Variants in RPH3A observed in about 807,000 individuals in gnomAD.
RPH3A encodes the protein rabphilin-3A.
RPH3A carries 48 observed loss-of-function variants against 102.2 expected under a neutral mutation model. The ratio of observed to expected loss-of-function variants is 0.47; its 90% CI spans 0.37 to 0.60. The LOEUF is 0.60. Ranked by LOEUF, RPH3A falls within the 20% of genes least tolerant of loss-of-function variation. The pLI, the probability that RPH3A is intolerant of heterozygous loss-of-function variation, is 0.00. For missense variants in RPH3A, 781 were observed against 910.1 expected (o/e 0.86, Z 1.83); for synonymous variants, 310 against 324.3 (o/e 0.96, Z 0.47).
intron 1 of RPH3A, among the ~76,000 whole-genome samples, chr12:112,779,617 C>T (rs961913457): frequency 6.6e-6 from 1 of 152,106 alleles, no homozygotes; most frequent in Non-Finnish European, 1.5e-5. Context: ...TGAGGTAGGG[C>T]TGATTATGAT....
At chr12:112,660,439 C>T (rs2040041520) in intron 1 of RPH3A, among the ~76,000 whole-genome samples, 1 of 152,202 alleles carries the variant, frequency 6.6e-6, no homozygotes. Context: ...ATTCCCTTCT[C>T]ATCCTACTCC....
intron 10 of RPH3A, chr12:112,874,750 A>T (rs967653489): frequency 3.8e-6 from 1 of 261,068 alleles, no homozygotes; most frequent in African/African-American, 2.2e-5. Context: ...CTTCCCCACA[A>T]CTCTATCAGC....
At chr12:112,686,464 G>A (rs796564402) in intron 1 of RPH3A, among the ~76,000 whole-genome samples, 2 of 152,146 alleles carry the variant, frequency 1.3e-5, no homozygotes, top group South Asian at 4.1e-4. Flanking sequence ...AGATGCATGC[G>A]GGGGCTTGAA....
intron 1 of RPH3A, among the ~76,000 whole-genome samples, chr12:112,593,013 C>T (rs938634012): frequency 3.9e-5 from 6 of 152,130 alleles, no homozygotes; most frequent in African/African-American, 1.4e-4. Context: ...ATTATGTCTC[C>T]CTAACTTTAT....
intron 1 of RPH3A, among the ~76,000 whole-genome samples, chr12:112,645,647 C>T (rs2039923854): frequency 6.6e-6 from 1 of 152,200 alleles, no homozygotes; most frequent in Non-Finnish European, 1.5e-5. Context: ...CCATCTGGAG[C>T]TTGAATTTCC....
intron 1 of RPH3A, among the ~76,000 whole-genome samples, chr12:112,620,304 TG>T (rs2039713202): frequency 1.3e-5 from 2 of 152,144 alleles, no homozygotes; most frequent in African/African-American, 4.8e-5. Context: ...CAAGTAGGGA[TG>T]GGGTAGATAT....
intron 1 of RPH3A, among the ~76,000 whole-genome samples, chr12:112,776,798 T>C (rs7136985): frequency 0.9 from 134,219 of 148,728 alleles, 60,566 homozygotes; most frequent in African/African-American, 0.96. Context: ...GGTGTGAACC[T>C]GGGAGATGGA....
chr12:112,726,010 T>C (rs1166464888), intron 1 of RPH3A, among the ~76,000 whole-genome samples: 1 of 151,798 alleles, frequency 6.6e-6, no homozygotes, highest in Admixed American at 6.6e-5. Flanking sequence ...TAAGCCAGGA[T>C]GGTCTCGATC....
At chr12:112,764,591 A>T (rs1247665625) in intron 1 of RPH3A, among the ~76,000 whole-genome samples, 1 of 152,196 alleles carries the variant, frequency 6.6e-6, no homozygotes, top group Non-Finnish European at 1.5e-5. Context: ...CCATTTCAAA[A>T]TATGTCAAAG....
rs1286674036 is a variant in RPH3A at position 112,895,876 on chromosome 12, G to A, written c.1954+3G>A. ...CGGCAAGTCCAATGATTACATCGGT[G>A]AGTGTTCCTAACTCCAGAGAAAACG... On this transcript the variant is annotated splice_donor_region_variant and intron_variant, in intron 21 of 21. Coordinates refer to ENST00000389385, the MANE Select transcript of RPH3A (RefSeq NM_001143854.2). 1.2e-6 allele frequency: 2 copies of A among 1,604,976 alleles called. No individual in the cohort carries two copies. The highest frequency in any genetic ancestry group is 1.7e-6 in the Non-Finnish European group (2 of 1,172,282).
rs569215882 is a variant in RPH3A, at chr12:112,779,002, C to A, written c.-139-13141C>A. Among the ~76,000 whole-genome samples, 10 of 152,236 alleles carry A rather than the reference C, an allele frequency of 6.6e-5. No individual in the cohort carries two copies. In the South Asian group the frequency reaches 2.1e-3, roughly 32 times the overall value. On this transcript the variant is annotated intron_variant, in intron 1 of 21. Coordinates refer to the RPH3A transcript ENST00000543106. ...GGGAAGAGGTGGTTTACCAGAAGGA[C>A]AATCAGGAACAGGGAATGCATGCTT...
chr12:112,676,016 T>G (rs2040171430), intron 1 of RPH3A, among the ~76,000 whole-genome samples: 1 of 152,124 alleles, frequency 6.6e-6, no homozygotes, highest in Non-Finnish European at 1.5e-5. Context: ...AGCTGGAGCC[T>G]GGGCAGTCCT....
intron 1 of RPH3A, among the ~76,000 whole-genome samples, chr12:112,739,210 T>C (rs994831511): frequency 5.3e-5 from 8 of 152,146 alleles, no homozygotes; most frequent in African/African-American, 1.9e-4. Context: ...GTTCTGTGAG[T>C]TAAATGAGAA....
chr12:112,744,000 T>A (rs1376319803), intron 1 of RPH3A, among the ~76,000 whole-genome samples: 3 of 152,220 alleles, frequency 2.0e-5, no homozygotes, highest in Non-Finnish European at 2.9e-5. Context: ...TAGTAGGCGT[T>A]AATTAAAATT....
chr12:112,843,358 C>T (rs1172193091), intron 4 of RPH3A, among the ~76,000 whole-genome samples: 1 of 152,160 alleles, frequency 6.6e-6, no homozygotes, highest in Non-Finnish European at 1.5e-5. Flanking sequence ...GCGACATTTT[C>T]AAACACGATG....
At chr12:112,751,179 A>G (rs2040783809) in intron 1 of RPH3A, among the ~76,000 whole-genome samples, 2 of 152,246 alleles carry the variant, frequency 1.3e-5, no homozygotes, top group African/African-American at 4.8e-5. Context: ...TACTCACTAC[A>G]TGATTCACAC....
At chr12:112,659,835 T>C (rs1455334310) in intron 1 of RPH3A, among the ~76,000 whole-genome samples, 3 of 152,200 alleles carry the variant, frequency 2.0e-5, no homozygotes, top group Non-Finnish European at 4.4e-5. Context: ...GTCTGTTTGA[T>C]CTGTCTGCAT....
At chr12:112,602,848 T>A (rs2039569019) in intron 1 of RPH3A, among the ~76,000 whole-genome samples, 1 of 152,154 alleles carries the variant, frequency 6.6e-6, no homozygotes, top group South Asian at 2.1e-4. Flanking sequence ...ATATCTTTTC[T>A]TTCCATCTTA....
chr12:112,748,000 T>C (rs577795345), intron 1 of RPH3A, among the ~76,000 whole-genome samples: 1 of 152,266 alleles, frequency 6.6e-6, no homozygotes, highest in South Asian at 2.1e-4. Flanking sequence ...ACACATGCCT[T>C]CAACTCACAT....
Sources: allele counts gnomAD v4.1 joint callset (sites outside exome capture counted in the v4.1 genomes callset), GRCh38; gene constraint gnomAD v4.1.1; transcripts MANE v1.5; gene names NCBI Gene and HGNC (gene_info 2026-07-23, HGNC 2026-07-21).